The following SNTG1 variants were observed in gnomAD, a reference collection of about 807,000 sequenced individuals.
SNTG1 encodes gamma-1-syntrophin.
Under a neutral mutation model 74.7 loss-of-function variants are expected in SNTG1, and 39 were observed. The observed-to-expected ratio is 0.52, with a 90% CI of 0.40 to 0.68. The LOEUF (loss-of-function observed/expected upper bound fraction) is 0.68. Among genes scored for constraint, SNTG1 ranks in the 30% least tolerant of loss-of-function variants. SNTG1 has a pLI of 0.00. For missense variants in SNTG1, 685 were observed against 609.5 expected (o/e 1.12, Z -1.30); for synonymous variants, 254 against 217.1 (o/e 1.17, Z -1.49).
chr8:50,537,028 A>G (rs2094313263), intron 11 of SNTG1, among the ~76,000 whole-genome samples: 1 of 152,212 alleles, frequency 6.6e-6, no homozygotes, highest in Non-Finnish European at 1.5e-5. Context: ...ATTGTAATGG[A>G]TTCAATAGAC....
intron 2 of SNTG1, among the ~76,000 whole-genome samples, chr8:50,207,438 T>C (rs959520871): frequency 1.3e-5 from 2 of 152,186 alleles, no homozygotes; most frequent in African/African-American, 2.4e-5. Flanking sequence ...TTATTGTGTC[T>C]ATTTGATTCT....
At chr8:50,791,690 A>G (rs2095691000) in intron 18 of SNTG1, among the ~76,000 whole-genome samples, 2 of 151,846 alleles carry the variant, frequency 1.3e-5, no homozygotes, top group Non-Finnish European at 2.9e-5. Context: ...AGTGAAATAT[A>G]TAATAAAATA....
At chr8:50,124,731 T>C (rs56950798) in intron 1 of SNTG1, among the ~76,000 whole-genome samples, 35,939 of 140,252 alleles carry the variant, frequency 0.26, 11,658 homozygotes, top group African/African-American at 0.66. Flanking sequence ...TCCCTGCTTC[T>C]GCTTGTGCTA....
chr8:50,551,195 A>G (rs1172747938), intron 11 of SNTG1, among the ~76,000 whole-genome samples: 1 of 152,160 alleles, frequency 6.6e-6, no homozygotes, highest in African/African-American at 2.4e-5. Flanking sequence ...TGATCAACTT[A>G]TACTATAAGA....
intron 17 of SNTG1, among the ~76,000 whole-genome samples, chr8:50,727,000 G>C (rs1420238822): frequency 6.6e-6 from 1 of 152,118 alleles, no homozygotes; most frequent in Non-Finnish European, 1.5e-5. Context: ...TATGATTTAA[G>C]TTGAAAAAAG....
At chr8:50,200,860 T>C (rs1038200811) in intron 2 of SNTG1, among the ~76,000 whole-genome samples, 1 of 152,108 alleles carries the variant, frequency 6.6e-6, no homozygotes, top group African/African-American at 2.4e-5. Flanking sequence ...CCTCTAAGTA[T>C]AAAAAGAATA....
chr8:50,767,351 T>C (rs1383424421), intron 18 of SNTG1, among the ~76,000 whole-genome samples: 1 of 151,932 alleles, frequency 6.6e-6, no homozygotes, highest in Non-Finnish European at 1.5e-5. Flanking sequence ...ATCGTGTGGG[T>C]TTACATAGGA....
chr8:50,076,726 C>T (rs1428035295), intron 1 of SNTG1, among the ~76,000 whole-genome samples: 1 of 151,944 alleles, frequency 6.6e-6, no homozygotes, highest in Non-Finnish European at 1.5e-5. Context: ...TCCTAAGGTA[C>T]AAAATGTTGA....
intron 2 of SNTG1, among the ~76,000 whole-genome samples, chr8:50,310,218 C>T (rs1563878639): frequency 6.6e-6 from 1 of 152,036 alleles, no homozygotes; most frequent in Non-Finnish European, 1.5e-5. Context: ...AAACTTGTTA[C>T]CTGGATTATT....
At chr8:50,438,745 G>A (rs1587631935) in intron 5 of SNTG1, 146 bp downstream of exon 5, 1 of 614,288 alleles carries the variant, frequency 1.6e-6, no homozygotes, top group Non-Finnish European at 2.8e-6. Flanking sequence ...AATTAGGTAG[G>A]TTCTCACAGA....
intron 17 of SNTG1, among the ~76,000 whole-genome samples, chr8:50,712,120 T>G (rs894401885): frequency 1.3e-5 from 2 of 152,226 alleles, no homozygotes; most frequent in African/African-American, 4.8e-5. Flanking sequence ...ACTGAATGCC[T>G]GCTGTCTCTT....
At chr8:50,118,317 A>T (rs13270234) in intron 1 of SNTG1, among the ~76,000 whole-genome samples, 23,835 of 151,690 alleles carry the variant, frequency 0.16, 2,306 homozygotes, top group Middle Eastern at 0.27. Context: ...TTAAAAAAAA[A>T]TTACATGTAC....
At chr8:50,681,592 A>G (rs540402735) in intron 15 of SNTG1, among the ~76,000 whole-genome samples, 2 of 152,226 alleles carry the variant, frequency 1.3e-5, no homozygotes, top group Admixed American at 6.5e-5. Context: ...GATTGTGAGA[A>G]GAAATTTATT....
At chr8:50,532,477 G>A (rs766893912) in intron 10 of SNTG1, among the ~76,000 whole-genome samples, 21 of 152,216 alleles carry the variant, frequency 1.4e-4, no homozygotes, top group Non-Finnish European at 2.6e-4. Flanking sequence ...TCTAGTAACA[G>A]AGATAAAGAG....
chr8:50,680,719 C>T (rs117838953), intron 15 of SNTG1, among the ~76,000 whole-genome samples: 38 of 152,146 alleles, frequency 2.5e-4, no homozygotes, highest in African/African-American at 8.2e-4. Context: ...GGTCCTCAAG[C>T]GCAACATCCT....
intron 2 of SNTG1, chr8:50,286,496 A>T (rs2088792567): frequency 6.6e-6 from 1 of 152,192 alleles, no homozygotes; most frequent in Non-Finnish European, 1.5e-5. Context: ...ATGGGGAAAC[A>T]TAATGATAGT....
chr8:50,361,471 C>T (rs1263140475), intron 2 of SNTG1, among the ~76,000 whole-genome samples: 1 of 152,052 alleles, frequency 6.6e-6, no homozygotes, highest in Admixed American at 6.6e-5. Context: ...TTAATGAAAA[C>T]CTTTAGATGT....
intron 1 of SNTG1, among the ~76,000 whole-genome samples, chr8:50,069,932 G>T (rs1821218442): frequency 6.6e-6 from 1 of 152,012 alleles, no homozygotes; most frequent in Non-Finnish European, 1.5e-5. Context: ...GCAGCCTGTG[G>T]GTGCTTCTGT....
intron 2 of SNTG1, among the ~76,000 whole-genome samples, chr8:50,267,808 T>C (rs982258250): frequency 6.6e-6 from 1 of 152,148 alleles, no homozygotes; most frequent in Non-Finnish European, 1.5e-5. Flanking sequence ...ACTAACTCAA[T>C]AGAGAGAATC....
Sources: allele counts gnomAD v4.1 joint callset (sites outside exome capture counted in the v4.1 genomes callset), GRCh38; gene constraint gnomAD v4.1.1; transcripts MANE v1.5; gene names NCBI Gene and HGNC (gene_info 2026-07-23, HGNC 2026-07-21).